PSMD4: variants seen among roughly 807,000 people sequenced by gnomAD.
PSMD4 encodes 26S proteasome non-ATPase regulatory subunit 4.
In PSMD4, 5 loss-of-function variants were observed where a neutral mutation model predicts 39.7. That is an observed-to-expected ratio of 0.13 (90% CI 0.07 to 0.26). The LOEUF (loss-of-function observed/expected upper bound fraction) is 0.26, where lower values mean the gene tolerates loss of function less well. Ranked by LOEUF, PSMD4 falls within the 10% of genes least tolerant of loss-of-function variation. The pLI is 1.00. For synonymous variants in PSMD4, 143 were observed against 174.6 expected, an observed-to-expected ratio of 0.82 and a Z score of 1.43; for missense variants, 272 against 486.1, an observed-to-expected ratio of 0.56 and a Z score of 4.14.
intron 2 of PSMD4, among the ~76,000 whole-genome samples, chr1:151,263,588 G>T (rs1231630340): frequency 6.6e-6 from 1 of 152,152 alleles, no homozygotes; most frequent in African/African-American, 2.4e-5. Context: ...CAGCACTTTG[G>T]AAGGCCAAGG....
At position 151,264,828 on chromosome 1, in the gene PSMD4, C is replaced by T. The variant is rs1408002422; in HGVS notation, c.283-4C>T. The T allele has an allele frequency of 3.1e-6, 5 of 1,609,206 alleles. No homozygotes were observed. Among genetic ancestry groups the T allele is most frequent in the Admixed American group, 3.3e-5 (2 of 59,878 alleles). The stretch of plus-strand genomic sequence containing the variant: ...ACTCTGAGAACTTCCTCTCCCTTTA[C>T]AAGCTGGCTCTGAAGCACCGACAAG... On this transcript the variant is annotated splice_polypyrimidine_tract_variant and splice_region_variant and intron_variant, in intron 3 of 9. Transcript: ENST00000368884.
intron 1 of PSMD4, among the ~76,000 whole-genome samples, chr1:151,261,765 G>A (rs1205649438): frequency 1.3e-5 from 2 of 151,930 alleles, no homozygotes. Context: ...ACCAGCTTGG[G>A]CAACATAGCT....
rs587636372 is a variant in PSMD4 at position 151,254,957 on chromosome 1, G to A, written c.26+149G>A. On this transcript the variant is annotated intron_variant, in intron 1 of 9. Coordinates refer to ENST00000368884, the MANE Select transcript of PSMD4 (RefSeq NM_002810.4). ...GTAAGGAGCCCGCTGGACTCCCTGAGTCATCCCGGGGCCCTGGAGTGGCGG... is the reference window on the plus strand; with the variant it reads ...GTAAGGAGCCCGCTGGACTCCCTGAATCATCCCGGGGCCCTGGAGTGGCGG... 3.4e-4 allele frequency: 340 copies of A among 1,013,292 alleles called. 10 individuals carry two copies. The South Asian group carries it at 6.4e-3, about 19-fold the overall frequency. 62.8% of individuals were successfully genotyped at this position (1,013,292 alleles called of 1,614,324 possible).
intron 1 of PSMD4, among the ~76,000 whole-genome samples, chr1:151,256,369 AAAT>A (rs1394374801): frequency 0.012 from 1,680 of 142,290 alleles, 66 homozygotes; most frequent in Middle Eastern, 0.022. Flanking sequence ...ATAATAAAAT[AAAT>A]AAATAAATAA....
chr1:151,263,450 G>A (rs6587561), intron 2 of PSMD4, among the ~76,000 whole-genome samples: 14,277 of 151,870 alleles, frequency 0.094, 764 homozygotes, highest in Non-Finnish European at 0.13. Context: ...GTGACAGAGC[G>A]AGACTCTGTC....
At chr1:151,255,929 A>G (rs991624282) in intron 1 of PSMD4, among the ~76,000 whole-genome samples, 9 of 151,496 alleles carry the variant, frequency 5.9e-5, no homozygotes, top group Non-Finnish European at 1.3e-4. Context: ...GTTTTTAGTA[A>G]TAGCCATTCT....
chr1:151,263,755 C>G, intron 2 of PSMD4, 159 bp from the exon 3 acceptor site: 1 of 440,384 alleles, frequency 2.3e-6, no homozygotes, highest in Non-Finnish European at 4.1e-6. Flanking sequence ...GGCGTGAACC[C>G]GGGAGGCGGA....
At chr1:151,257,646 C>T (rs1693206272) in intron 1 of PSMD4, among the ~76,000 whole-genome samples, 1 of 149,404 alleles carries the variant, frequency 6.7e-6, no homozygotes, top group South Asian at 2.1e-4. Flanking sequence ...CTCTCAGGTT[C>T]AAGTGATTAT....
chr1:151,266,591 A>G lies in PSMD4; in HGVS notation c.963+4A>G. 1 of 1,614,122 alleles carries G rather than the reference A, an allele frequency of 6.2e-7. No individual in the cohort carries two copies. Among genetic ancestry groups the G allele is most frequent in the South Asian group, 1.1e-5 (1 of 91,074 alleles). Reference sequence around the variant, plus strand: ...GGACACATCTGAGCCAGCCAAGGTGAGACCCAACCCTGCCCCCATCAGGTT... The same window carrying G: ...GGACACATCTGAGCCAGCCAAGGTGGGACCCAACCCTGCCCCCATCAGGTT... On this transcript the variant is annotated splice_donor_region_variant and intron_variant, in intron 9 of 9. Coordinates refer to ENST00000368884, the MANE Select transcript of PSMD4 (RefSeq NM_002810.4).
chr1:151,266,333 G>T lies in PSMD4; in HGVS notation c.789G>T (p.Met263Ile). 1 of 1,614,168 alleles carries T rather than the reference G, an allele frequency of 6.2e-7. No individual in the cohort carries two copies. Among genetic ancestry groups the T allele is most frequent in the South Asian group, 1.1e-5 (1 of 91,040 alleles). Residue 263 changes from methionine (M) to isoleucine (I), a missense_variant, in exon 8 of 10, where the codon ATG becomes ATT. Around this residue, in one of 3 missense-constraint regions of PSMD4, gnomAD observed 113 missense variants for 184.6 expected, o/e 0.61. Transcript: ENST00000368884. ...ACTCAGACGATGCCCTGCTGAAGATGACCATCAGCCAGCAAGAGTTTGGCC... is the reference window on the plus strand; with the variant it reads ...ACTCAGACGATGCCCTGCTGAAGATTACCATCAGCCAGCAAGAGTTTGGCC... ...TEDSDDALLK[M>I]TISQQEFGRT...
In PSMD4 at chr1:151,267,478, A is replaced by T. The variant is rs998810380; in HGVS notation, c.*135A>T. On this transcript the variant is annotated 3_prime_UTR_variant, in exon 10 of 10. Transcript: ENST00000368884. ...CAACTTTTTTTCCTTTTTTGCTTCA[A>T]ATATTGATGGTTTTGAGTGTGAGAG... 1 of 1,004,582 alleles carries T rather than the reference A, an allele frequency of 1.0e-6. No individual in the cohort carries two copies. The highest frequency in any genetic ancestry group is 1.4e-6 in the Non-Finnish European group (1 of 690,520). 62.2% of individuals were successfully genotyped at this position (1,004,582 alleles called of 1,614,324 possible). A position where few individuals can be genotyped will look rare whatever the true frequency, so the allele number is the denominator to read the frequency against.
intron 1 of PSMD4, among the ~76,000 whole-genome samples, chr1:151,256,363 T>A (rs201314209): frequency 0.073 from 2,705 of 36,874 alleles, 140 homozygotes; most frequent in East Asian, 0.17. Flanking sequence ...AAAATAATAA[T>A]AAAATAAATA....
rs190825974 is a variant in PSMD4 at position 151,265,753 on chromosome 1, C to T, written c.654+144C>T. The T allele has an allele frequency of 5.6e-5, 54 of 964,706 alleles. No individual in the cohort carries two copies. In the African/African-American group the frequency reaches 7.4e-4, roughly 13 times the overall value. 59.8% of individuals were successfully genotyped at this position (964,706 alleles called of 1,614,324 possible). A position where few individuals can be genotyped will look rare whatever the true frequency, so the allele number is the denominator to read the frequency against. ...CCAAGACCTCCTTTTGCCGCCTCTT[C>T]CCTATAATGCTGTCTGATCTCTAGG... On this transcript the variant is annotated intron_variant, in intron 6 of 9. Transcript: ENST00000368884.
At chr1:151,258,227 C>A (rs1223967970) in intron 1 of PSMD4, among the ~76,000 whole-genome samples, 1 of 151,892 alleles carries the variant, frequency 6.6e-6, no homozygotes, top group Non-Finnish European at 1.5e-5. Context: ...GAGGTTTCAT[C>A]ATATTGGTCA....
rs1178660737 is a variant in PSMD4 at position 151,265,914 on chromosome 1, T to G, written c.655-90T>G. 6 of 1,456,856 alleles carry G rather than the reference T, an allele frequency of 4.1e-6. No individual in the cohort carries two copies. The East Asian group carries it at 1.4e-4, about 35-fold the overall frequency. The allele number at this position is 1,456,856 out of a possible 1,614,324, so 90.2% of individuals were successfully genotyped here. A position where few individuals can be genotyped will look rare whatever the true frequency, so the allele number is the denominator to read the frequency against. On this transcript the variant is annotated intron_variant, in intron 6 of 9. Transcript: ENST00000368884. The stretch of plus-strand genomic sequence containing the variant: ...TGTGATAAACCAGAAGCTGCCCCTT[T>G]ATGTTCCTTTCCCACACCCCAACTG...
At chr1:151,259,070 T>C (rs6681071) in intron 1 of PSMD4, 102,185 of 151,976 alleles carry the variant, frequency 0.67, 34,596 homozygotes, top group Non-Finnish European at 0.71. Flanking sequence ...AAAAATTAGC[T>C]GGCATGGTGG....
chr1:151,265,335 A>G, intron 5 of PSMD4, 59 bp from the exon 6 acceptor site: 1 of 1,601,194 alleles, frequency 6.2e-7, no homozygotes, highest in South Asian at 1.1e-5. Flanking sequence ...TAGTGCAGAA[A>G]TGGGAAAGAA....
Position 151,267,364 on chromosome 1 carries a change from T to A in PSMD4, c.*21T>A, listed in dbSNP as rs1693475144. 6.2e-7 allele frequency: 1 copy of A among 1,612,258 alleles called. No homozygotes were observed. Among genetic ancestry groups the A allele is most frequent in the African/African-American group, 1.3e-5 (1 of 74,900 alleles). ...AGTGAGACTGGAGGGAAAGGGTAGC[T>A]GAGTCTGCTTAGGGGACTGCATGGG... On this transcript the variant is annotated 3_prime_UTR_variant, in exon 10 of 10. Coordinates refer to ENST00000368884, the MANE Select transcript of PSMD4 (RefSeq NM_002810.4).
intron 2 of PSMD4, 98 bp from the exon 3 acceptor site, chr1:151,263,812 AGAGT>A (rs1457674029): frequency 1.1e-5 from 9 of 799,278 alleles, no homozygotes; most frequent in Non-Finnish European, 1.7e-5. Context: ...CCTGGGTGAC[AGAGT>A]GAGACTCCGT....
Sources: allele counts gnomAD v4.1 joint callset (sites outside exome capture counted in the v4.1 genomes callset), GRCh38; gene constraint gnomAD v4.1.1; regional missense constraint gnomAD v4.1.1; transcripts MANE v1.5; gene names NCBI Gene and HGNC (gene_info 2026-07-23, HGNC 2026-07-21).